The following SCARB1 variants were observed in gnomAD, a reference collection of about 807,000 sequenced individuals.
The protein encoded by SCARB1 is CD36 and LIMPII analogous 1.
SCARB1 carries 30 observed loss-of-function variants against 57.2 expected under a neutral mutation model. That is an observed-to-expected ratio of 0.52 (90% CI 0.39 to 0.71). The LOEUF (loss-of-function observed/expected upper bound fraction) is 0.71. Among genes scored for constraint, SCARB1 ranks in the 30% least tolerant of loss-of-function variants. SCARB1 has a pLI of 0.00. For synonymous variants in SCARB1, 249 were observed against 268.3 expected, an observed-to-expected ratio of 0.93 and a Z score of 0.70; for missense variants, 543 against 671.2, an observed-to-expected ratio of 0.81 and a Z score of 2.11.
At chr12:124,858,618 A>T (rs770768856) in intron 1 of SCARB1, among the ~76,000 whole-genome samples, 120 of 151,898 alleles carry the variant, frequency 7.9e-4, no homozygotes, top group Admixed American at 3.3e-3. Context: ...GGTGGCTCAC[A>T]CCTGTAATCC....
intron 1 of SCARB1, among the ~76,000 whole-genome samples, chr12:124,837,594 A>AAAAG (rs140213588): frequency 0.039 from 1,522 of 39,018 alleles, 110 homozygotes; most frequent in Admixed American, 0.047. Context: ...AAAAGAAAAG[A>AAAAG]AAAGTCAGCC....
At position 124,817,476 on chromosome 12, in the gene SCARB1, T is replaced by A; in HGVS notation, c.284+74A>T. ...TGGGGCTCAGTCAGCAGCCTCCCCA[T>A]CCCGTCCACTCTGAGACCCCTCCCC... On this transcript the variant is annotated intron_variant, in intron 2 of 12. Coordinates refer to ENST00000261693, the MANE Select transcript of SCARB1 (RefSeq NM_005505.5). This position sits in a 1 kb window ranked among gnomAD's most constrained non-coding sequence, Gnocchi z 4.8. 4 of 1,335,826 alleles carry A rather than the reference T, an allele frequency of 3.0e-6. No individual in the cohort carries two copies. The highest frequency in any genetic ancestry group is 4.1e-6 in the Non-Finnish European group (4 of 980,250). The allele number at this position is 1,335,826 out of a possible 1,614,324, so 82.7% of individuals were successfully genotyped here. A position where few individuals can be genotyped will look rare whatever the true frequency, so the allele number is the denominator to read the frequency against.
rs568470298 is a variant in SCARB1, at chr12:124,817,802, G to A, written c.127-95C>T. 294 of 1,367,086 alleles carry A rather than the reference G, an allele frequency of 2.2e-4. 5 individuals carry two copies. The South Asian group carries it at 3.1e-3, about 15-fold the overall frequency. 84.7% of individuals were successfully genotyped at this position (1,367,086 alleles called of 1,614,324 possible). A position where few individuals can be genotyped will look rare whatever the true frequency, so the allele number is the denominator to read the frequency against. On this transcript the variant is annotated intron_variant, in intron 1 of 12. Coordinates refer to ENST00000261693, the MANE Select transcript of SCARB1 (RefSeq NM_005505.5). The surrounding 1 kb of genome is among the most constrained non-coding windows in gnomAD (Gnocchi z 4.8). ...GGAACAGCTGCCCGAGCCCGGCCAG[G>A]GAAGGGGCTCCTCGGCGGGAGCTTG...
intron 1 of SCARB1, among the ~76,000 whole-genome samples, chr12:124,823,213 G>A (rs1186759526): frequency 6.6e-6 from 1 of 152,152 alleles, no homozygotes; most frequent in Non-Finnish European, 1.5e-5. Context: ...AATGTATGGT[G>A]TTATTCCCTT....
At chr12:124,816,064 G>A (rs906140985) in intron 2 of SCARB1, among the ~76,000 whole-genome samples, 10 of 152,044 alleles carry the variant, frequency 6.6e-5, no homozygotes, top group Admixed American at 6.5e-5. Context: ...TGCTCTGCCC[G>A]GGACTCTGTC....
intron 1 of SCARB1, among the ~76,000 whole-genome samples, chr12:124,838,163 C>A (rs1216091492): frequency 1.3e-5 from 2 of 152,196 alleles, no homozygotes; most frequent in Admixed American, 1.3e-4. Flanking sequence ...AGCATGCCAA[C>A]CCCAGCCTAG....
In SCARB1 at chr12:124,810,153, GC is replaced by G; in HGVS notation, c.842+20del. 6.5e-7 allele frequency: 1 copy of G among 1,535,472 alleles called. No individual in the cohort carries two copies. The highest frequency in any genetic ancestry group is 9.0e-7 in the Non-Finnish European group (1 of 1,108,992). On this transcript the variant is annotated intron_variant, in intron 6 of 12. Transcript: ENST00000261693. This position sits in a 1 kb window ranked among gnomAD's most constrained non-coding sequence, Gnocchi z 4.0. ...ATGAGCTACCCAGGAAACCCAGGAG[GC>G]CCCGAGTCCCAGTGATTACCGGCAG...
At chr12:124,852,549 C>G (rs1952458871) in intron 1 of SCARB1, among the ~76,000 whole-genome samples, 1 of 152,212 alleles carries the variant, frequency 6.6e-6, no homozygotes, top group Non-Finnish European at 1.5e-5. Flanking sequence ...TGCGGAGGAC[C>G]CCCACTGGGG....
chr12:124,819,800 G>A (rs747176317), intron 1 of SCARB1, among the ~76,000 whole-genome samples: 6 of 152,240 alleles, frequency 3.9e-5, no homozygotes, highest in African/African-American at 7.2e-5. Flanking sequence ...CATGTCCCCC[G>A]GAAGGAGCAG....
At position 124,800,666 on chromosome 12, in the gene SCARB1, G is replaced by C. The variant is rs1468619473; in HGVS notation, c.1010-424C>G. Among the ~76,000 whole-genome samples, 1 of 152,214 alleles carries C rather than the reference G, an allele frequency of 6.6e-6. No homozygotes were observed. Among genetic ancestry groups the C allele is most frequent in the Non-Finnish European group, 1.5e-5 (1 of 68,032 alleles). ...TTGGGTGTGGGGAGGGGAGTCTCAA[G>C]CGCAAGCCAAGCAGCCCACACTGTC... On this transcript the variant is annotated intron_variant, in intron 7 of 12. Coordinates refer to ENST00000261693, the MANE Select transcript of SCARB1 (RefSeq NM_005505.5). The surrounding 1 kb of genome is among the most constrained non-coding windows in gnomAD (Gnocchi z 4.8).
intron 1 of SCARB1, among the ~76,000 whole-genome samples, chr12:124,858,629 C>T (rs1952737651): frequency 6.6e-6 from 1 of 151,996 alleles, no homozygotes; most frequent in African/African-American, 2.4e-5. Context: ...CCTGTAATCC[C>T]AGCACTTTGG....
At chr12:124,830,439 T>A (rs150964376) in intron 1 of SCARB1, among the ~76,000 whole-genome samples, 4 of 152,036 alleles carry the variant, frequency 2.6e-5, no homozygotes, top group Non-Finnish European at 5.9e-5. Flanking sequence ...AACACAAATG[T>A]CTACAAGCAA....
chr12:124,802,869 G>A (rs986811201), intron 7 of SCARB1, among the ~76,000 whole-genome samples: 1 of 152,108 alleles, frequency 6.6e-6, no homozygotes, highest in Non-Finnish European at 1.5e-5. Flanking sequence ...GCAAAGGCAT[G>A]GTACCTTTAC....
chr12:124,837,627 C>T (rs1052836623), intron 1 of SCARB1, among the ~76,000 whole-genome samples: 2 of 151,826 alleles, frequency 1.3e-5, no homozygotes, highest in Non-Finnish European at 2.9e-5. Flanking sequence ...TGCTGCACGC[C>T]TGTAATCCCA....
chr12:124,783,985 C>T (rs1002537717), intron 11 of SCARB1: 1 of 152,146 alleles, frequency 6.6e-6, no homozygotes, highest in Non-Finnish European at 1.5e-5. Flanking sequence ...GAAAGGGACC[C>T]TAGCCACAGC....
chr12:124,834,715 G>C (rs1209807397), intron 1 of SCARB1, among the ~76,000 whole-genome samples: 1 of 152,134 alleles, frequency 6.6e-6, no homozygotes, highest in East Asian at 1.9e-4. Context: ...CAACAGTCTG[G>C]GCAACATAGC....
At position 124,810,498 on chromosome 12, in the gene SCARB1, C is replaced by T. The variant is rs201706286; in HGVS notation, c.727-209G>A. On this transcript the variant is annotated intron_variant, in intron 5 of 12. Coordinates refer to ENST00000261693, the MANE Select transcript of SCARB1 (RefSeq NM_005505.5). This position sits in a 1 kb window ranked among gnomAD's most constrained non-coding sequence, Gnocchi z 4.0. Reference sequence around the variant, plus strand: ...TCCCAGACCCCTGAATGTGTAACTTCGCTAGGGACTCAGTTCTTTCATCTG... The same window carrying T: ...TCCCAGACCCCTGAATGTGTAACTTTGCTAGGGACTCAGTTCTTTCATCTG... 7.9e-5 allele frequency among the ~76,000 whole-genome samples: 12 copies of T among 152,302 alleles called. 1 individual carries two copies. In the East Asian group the frequency reaches 1.7e-3, roughly 22 times the overall value.
In SCARB1 at chr12:124,786,639, G is replaced by C. The variant is rs1949532401; in HGVS notation, c.1255-136C>G. On this transcript the variant is annotated intron_variant, in intron 10 of 12. Transcript: ENST00000261693. ...AGCTTCCCGGCTAAAGCATGTGTTG[G>C]AGCCTGCCAGGGACCTCCTCCCTCC... The C allele has an allele frequency of 3.3e-6, 5 of 1,507,078 alleles. No individual in the cohort carries two copies. The Admixed American group carries it at 8.0e-5, about 24-fold the overall frequency. 93.4% of individuals were successfully genotyped at this position (1,507,078 alleles called of 1,614,324 possible).
At chr12:124,781,491 C>A (rs1594168836) in intron 12 of SCARB1, among the ~76,000 whole-genome samples, 1 of 152,192 alleles carries the variant, frequency 6.6e-6, no homozygotes, top group South Asian at 2.1e-4. Context: ...CGTCACCTCC[C>A]CTGGCAAGGA....
Sources: gnomAD v4.1 joint callset for allele counts (sites outside exome capture counted in the v4.1 genomes callset) on GRCh38, gnomAD v4.1.1 for gene constraint, Gnocchi (gnomAD v3.1) non-coding constraint, MANE v1.5 for transcripts, NCBI Gene and HGNC (gene_info 2026-07-23, HGNC 2026-07-21) for gene names.